The following MYBPC1 variants were observed in gnomAD, a reference collection of about 807,000 sequenced individuals.
The protein encoded by MYBPC1 is myosin-binding protein C, slow-type.
Under a neutral mutation model 147.1 loss-of-function variants are expected in MYBPC1, and 52 were observed. The observed-to-expected ratio is 0.35, with a 90% CI of 0.28 to 0.45. The LOEUF (loss-of-function observed/expected upper bound fraction) is 0.45. Ranked by LOEUF, MYBPC1 falls within the 20% of genes least tolerant of loss-of-function variation. The pLI is 1.00. For synonymous variants in MYBPC1, 477 were observed against 475.9 expected (o/e 1.00, Z -0.03); for missense variants, 1,228 against 1,440.3 (o/e 0.85, Z 2.39).
intron 3 of MYBPC1, among the ~76,000 whole-genome samples, chr12:101,626,045 G>A (rs1273654132): frequency 3.2e-5 from 4 of 126,482 alleles, no homozygotes; most frequent in Non-Finnish European, 4.7e-5. Context: ...CCAAGATCAC[G>A]CCATTGCACT....
intron 2 of MYBPC1, 97 bp from the exon 3 acceptor site, chr12:101,617,105 T>C: frequency 1.9e-6 from 2 of 1,074,644 alleles, no homozygotes; most frequent in Non-Finnish European, 2.8e-6. Context: ...TGTTCTGCTG[T>C]CATTTATTTC....
chr12:101,653,293 C>T (rs893199692), intron 18 of MYBPC1, 45 bp downstream of exon 18: 1 of 1,607,652 alleles, frequency 6.2e-7, no homozygotes, highest in South Asian at 1.1e-5. Flanking sequence ...CACACATATG[C>T]AGACACACTG....
chr12:101,691,547 T>A, the MYBPC1 span, among the ~76,000 whole-genome samples: 1 of 152,234 alleles, frequency 6.6e-6, no homozygotes, highest in Non-Finnish European at 1.5e-5. Context: ...ATTTGAAATA[T>A]GAGTGAAAGT....
At chr12:101,627,722 TC>T (rs1361360416) in intron 4 of MYBPC1, 46 bp from the exon 5 acceptor site, 1 of 1,602,718 alleles carries the variant, frequency 6.2e-7, no homozygotes, top group African/African-American at 1.3e-5. Context: ...TCCATTTTCA[TC>T]CCCTTTCCAC....
At position 101,649,264 on chromosome 12, in the gene MYBPC1, A is replaced by G; in HGVS notation, c.1201A>G (p.Lys401Glu). 6.2e-7 allele frequency: 1 copy of G among 1,612,972 alleles called. No individual in the cohort carries two copies. Among genetic ancestry groups the G allele is most frequent in the Non-Finnish European group, 8.5e-7 (1 of 1,179,014 alleles). Residue 401 changes from lysine to glutamate, a missense_variant, in exon 15 of 32, where the codon AAG becomes GAG. Around this residue, in one of 2 missense-constraint regions of MYBPC1, gnomAD observed 1,077 missense variants for 1,314.2 expected, o/e 0.82. Coordinates refer to ENST00000361466, the MANE Select transcript of MYBPC1 (RefSeq NM_002465.4). ...TAATATTTTATCTTAATTCAGGTTT[A>G]AGAATGGTGAAGAGATTATCCCTGG... ...SEDDANVKWF[K>E]NGEEIIPGPK...
At chr12:101,661,896 C>CA (rs66873575) in intron 20 of MYBPC1, among the ~76,000 whole-genome samples, 31,023 of 82,918 alleles carry the variant, frequency 0.37, 6,073 homozygotes, top group Admixed American at 0.51. Flanking sequence ...GACTCTGTCT[C>CA]AAAAAAAAAA....
At chr12:101,643,568 T>C (rs1050391762) in intron 11 of MYBPC1, among the ~76,000 whole-genome samples, 3 of 152,082 alleles carry the variant, frequency 2.0e-5, no homozygotes, top group Non-Finnish European at 4.4e-5. Context: ...ACCTAAACAA[T>C]AGTATAATAA....
downstream of MYBPC1, among the ~76,000 whole-genome samples, chr12:101,686,413 A>G (rs1951347931): frequency 1.3e-5 from 2 of 152,200 alleles, no homozygotes; most frequent in African/African-American, 4.8e-5. Context: ...AGTCATAGTG[A>G]CAGAGGGCTG....
chr12:101,642,381 T>C lies in MYBPC1; in HGVS notation c.666-38T>C, dbSNP rs1223692468. The stretch of plus-strand genomic sequence containing the variant: ...GACCTTCGTGGTCTCTAAGGGTCAG[T>C]GCAGCTACTAAACTAGACCATGGTT... On this transcript the variant is annotated intron_variant, in intron 10 of 31. Transcript: ENST00000361466. 6 of 1,610,010 alleles carry C rather than the reference T, an allele frequency of 3.7e-6. No individual in the cohort carries two copies. In the Admixed American group the frequency reaches 1.0e-4, roughly 27 times the overall value.
In MYBPC1 at chr12:101,619,408, A is replaced by G. The variant is rs80229595; in HGVS notation, c.103+2165A>G. On this transcript the variant is annotated intron_variant, in intron 3 of 31. Coordinates refer to ENST00000361466, the MANE Select transcript of MYBPC1 (RefSeq NM_002465.4). ...TTAATGGTTGACTCCTTTTCCTAACAGGTTGTAAGCTTTTTGACATTGGCC... is the reference window on the plus strand; with the variant it reads ...TTAATGGTTGACTCCTTTTCCTAACGGGTTGTAAGCTTTTTGACATTGGCC... Among the ~76,000 whole-genome samples the G allele has an allele frequency of 8.9e-3, 1,359 of 152,204 alleles. 25 individuals carry two copies. The highest frequency in any genetic ancestry group is 0.031 in the African/African-American group (1,297 of 41,522).
chr12:101,685,661 A>C lies in MYBPC1; in HGVS notation c.*99A>C. 1.3e-6 allele frequency: 2 copies of C among 1,529,406 alleles called. No individual in the cohort carries two copies. 94.7% of individuals were successfully genotyped at this position (1,529,406 alleles called of 1,614,324 possible). Reference sequence around the variant, plus strand: ...ATTCGTATCTGCGAGACTTACACTCAAGCAATCCTGAGGAATACTGAGGGA... The same window carrying C: ...ATTCGTATCTGCGAGACTTACACTCCAGCAATCCTGAGGAATACTGAGGGA... On this transcript the variant is annotated 3_prime_UTR_variant, in exon 32 of 32. Coordinates refer to ENST00000361466, the MANE Select transcript of MYBPC1 (RefSeq NM_002465.4).
At chr12:101,666,654 T>A (rs983673237) in intron 22 of MYBPC1, 9 of 1,240,432 alleles carry the variant, frequency 7.3e-6, no homozygotes, top group Non-Finnish European at 9.5e-6. Flanking sequence ...TTTGCATACT[T>A]TACTAACAGA....
In MYBPC1 at chr12:101,649,300, A is replaced by G. The variant is rs201921739; in HGVS notation, c.1237A>G (p.Arg413Gly). 2.1e-4 allele frequency: 338 copies of G among 1,613,776 alleles called. No individual in the cohort carries two copies. The highest frequency in any genetic ancestry group is 2.8e-4 in the Non-Finnish European group (328 of 1,179,792). Residue 413 changes from arginine (R) to glycine (G), a missense_variant, in exon 15 of 32, where the codon AGA (arginine) becomes GGA (glycine). Around this residue, in one of 2 missense-constraint regions of MYBPC1, gnomAD observed 1,077 missense variants for 1,314.2 expected, o/e 0.82. Coordinates refer to ENST00000361466, the MANE Select transcript of MYBPC1 (RefSeq NM_002465.4). ...AGAGATTATCCCTGGTCCAAAATCA[A>G]GATACCGAATTAGAGTTGAGGGTAA... Reference protein sequence around the residue: ...GEEIIPGPKSRYRIRVEGKKH... With the variant: ...GEEIIPGPKSGYRIRVEGKKH...
intron 10 of MYBPC1, chr12:101,637,028 A>T: frequency 8.4e-6 from 1 of 119,396 alleles, no homozygotes; most frequent in Non-Finnish European, 1.4e-5. Context: ...ATACCTAGAA[A>T]CCTCTAAGAC....
At chr12:101,644,085 A>G (rs1892594045) in intron 11 of MYBPC1, among the ~76,000 whole-genome samples, 1 of 152,060 alleles carries the variant, frequency 6.6e-6, no homozygotes, top group Admixed American at 6.6e-5. Context: ...CCCAGGCTGG[A>G]GTGTGCAGTG....
chr12:101,667,939 A>G lies in MYBPC1; in HGVS notation c.2524+40A>G, dbSNP rs755012424. The stretch of plus-strand genomic sequence containing the variant: ...TTTCAAAAGTTAGACTCCATTTTAC[A>G]TGGTTCACTTTTTTTTTCTTCAAAC... On this transcript the variant is annotated intron_variant, in intron 23 of 31. Coordinates refer to ENST00000361466, the MANE Select transcript of MYBPC1 (RefSeq NM_002465.4). 11 of 1,599,420 alleles carry G rather than the reference A, an allele frequency of 6.9e-6. No individual in the cohort carries two copies. The East Asian group carries it at 1.1e-4, about 16-fold the overall frequency.
In MYBPC1 at chr12:101,649,351, G is replaced by A; in HGVS notation, c.1288G>A (p.Ala430Thr). ...GKKHILIIEG[A>T]TKADAAEYSV... The stretch of plus-strand genomic sequence containing the variant: ...AAAACACATCTTGATCATAGAGGGA[G>A]CAACAAAGGCTGATGCTGCAGAATA... Residue 430 changes from alanine (A) to threonine (T), a missense_variant, in exon 15 of 32, where the codon GCA (alanine) becomes ACA (threonine). Transcript: ENST00000361466. 6.2e-7 allele frequency: 1 copy of A among 1,613,990 alleles called. No individual in the cohort carries two copies. Among genetic ancestry groups the A allele is most frequent in the Non-Finnish European group, 8.5e-7 (1 of 1,179,898 alleles).
At chr12:101,662,302 A>G (rs1896709273) in intron 20 of MYBPC1, 56 bp from the exon 21 acceptor site, 2 of 1,573,150 alleles carry the variant, frequency 1.3e-6, no homozygotes, top group South Asian at 1.1e-5. Context: ...TTATCTGACA[A>G]TGTTTAATTT....
chr12:101,660,837 G>T (rs144370798), intron 19 of MYBPC1, among the ~76,000 whole-genome samples: 11 of 152,186 alleles, frequency 7.2e-5, no homozygotes, highest in Admixed American at 2.6e-4. Context: ...AGCCAGAGGG[G>T]TTTCCCCTTA....
Sources: gnomAD v4.1 joint callset for allele counts (sites outside exome capture counted in the v4.1 genomes callset) on GRCh38, gnomAD v4.1.1 for gene constraint, gnomAD v4.1.1 regional missense constraint, MANE v1.5 for transcripts, NCBI Gene and HGNC (gene_info 2026-07-23, HGNC 2026-07-21) for gene names.